WDR70: variants seen among roughly 807,000 people sequenced by gnomAD.
WDR70 encodes WD repeat domain 70.
Under a neutral mutation model 88.6 loss-of-function variants are expected in WDR70, and 53 were observed. The observed-to-expected ratio is 0.60, with a 90% CI of 0.48 to 0.75. The LOEUF (loss-of-function observed/expected upper bound fraction) is 0.75, where lower values mean the gene tolerates loss of function less well. Ranked by LOEUF, WDR70 falls within the 30% of genes least tolerant of loss-of-function variation. The pLI, the probability that WDR70 is intolerant of heterozygous loss-of-function variation, is 0.00. For synonymous variants in WDR70, 280 were observed against 270.0 expected (o/e 1.04, Z -0.36); for missense variants, 610 against 823.2 (o/e 0.74, Z 3.17).
At chr5:37,455,114 A>G (rs1345037386) in intron 7 of WDR70, among the ~76,000 whole-genome samples, 5 of 152,224 alleles carry the variant, frequency 3.3e-5, no homozygotes, top group African/African-American at 1.2e-4. Flanking sequence ...CAGATTCTTA[A>G]GTTGATATCT....
Position 37,479,785 on chromosome 5 carries a change from T to C in WDR70, c.687-49T>C, listed in dbSNP as rs138976260. The C allele has an allele frequency of 8.3e-5, 128 of 1,545,712 alleles. 2 individuals are homozygous for C. In the African/African-American group the frequency reaches 1.5e-3, roughly 18 times the overall value. Reference sequence around the variant, plus strand: ...GGCAATACTTAATGTAGTAAAATTATAAACATTGTGCTTAGTATCTTACCA... The same window carrying C: ...GGCAATACTTAATGTAGTAAAATTACAAACATTGTGCTTAGTATCTTACCA... On this transcript the variant is annotated intron_variant, in intron 7 of 17. Coordinates refer to ENST00000265107, the MANE Select transcript of WDR70 (RefSeq NM_018034.4).
At chr5:37,706,080 T>C (rs758714175) in intron 13 of WDR70, among the ~76,000 whole-genome samples, 2 of 152,202 alleles carry the variant, frequency 1.3e-5, no homozygotes, top group Non-Finnish European at 2.9e-5. Context: ...CACAAAAACA[T>C]AGCTTCTTAA....
chr5:37,405,890 T>C (rs1749338120), intron 5 of WDR70, among the ~76,000 whole-genome samples: 1 of 151,564 alleles, frequency 6.6e-6, no homozygotes, highest in South Asian at 2.1e-4. Context: ...CCACAAAAAA[T>C]AAAAAAGCCA....
intron 8 of WDR70, among the ~76,000 whole-genome samples, chr5:37,483,082 A>AC (rs1234504193): frequency 1.3e-5 from 2 of 150,024 alleles, no homozygotes; most frequent in African/African-American, 4.9e-5. Context: ...AAAAAAAAAA[A>AC]GGAAAGAAAG....
intron 17 of WDR70, among the ~76,000 whole-genome samples, chr5:37,737,530 C>A (rs1018272367): frequency 2.6e-5 from 4 of 152,180 alleles, no homozygotes; most frequent in African/African-American, 9.7e-5. Flanking sequence ...GCTCCGCCAC[C>A]CCCTGGCGAG....
At chr5:37,562,635 G>T (rs1742548738) in intron 9 of WDR70, among the ~76,000 whole-genome samples, 1 of 152,106 alleles carries the variant, frequency 6.6e-6, no homozygotes, top group Non-Finnish European at 1.5e-5. Flanking sequence ...TGAGATTAGG[G>T]AGTGGTGATG....
chr5:37,744,219 TAAC>T (rs1407495001), intron 17 of WDR70, among the ~76,000 whole-genome samples: 1 of 151,650 alleles, frequency 6.6e-6, no homozygotes, highest in African/African-American at 2.4e-5. Context: ...AAGCAGAAAG[TAAC>T]AACAACAGCA....
chr5:37,736,958 A>G (rs1042154555), intron 17 of WDR70, among the ~76,000 whole-genome samples: 6 of 152,148 alleles, frequency 3.9e-5, no homozygotes, highest in African/African-American at 1.4e-4. Flanking sequence ...ATAGAAATTC[A>G]TAGTGAAGAA....
At chr5:37,421,574 T>G (rs920314720) in intron 5 of WDR70, among the ~76,000 whole-genome samples, 1 of 152,248 alleles carries the variant, frequency 6.6e-6, no homozygotes, top group Non-Finnish European at 1.5e-5. Flanking sequence ...TTCTCTTTTG[T>G]GCTACCTCTG....
At chr5:37,473,895 C>T (rs894270610) in intron 7 of WDR70, among the ~76,000 whole-genome samples, 5 of 151,920 alleles carry the variant, frequency 3.3e-5, no homozygotes, top group Admixed American at 1.3e-4. Context: ...TTGCTGTTTC[C>T]AGCTTTTGGA....
intron 3 of WDR70, among the ~76,000 whole-genome samples, chr5:37,391,318 A>C (rs1748812425): frequency 6.6e-6 from 1 of 152,178 alleles, no homozygotes; most frequent in African/African-American, 2.4e-5. Flanking sequence ...CTTAATATTT[A>C]AGTGCATAGT....
chr5:37,381,186 A>C (rs998907355), intron 2 of WDR70, among the ~76,000 whole-genome samples: 3 of 152,194 alleles, frequency 2.0e-5, no homozygotes, highest in Non-Finnish European at 4.4e-5. Flanking sequence ...ATAATGCCTC[A>C]AATTCTTCTC....
intron 5 of WDR70, among the ~76,000 whole-genome samples, chr5:37,419,396 G>T (rs1421017779): frequency 6.6e-6 from 1 of 151,036 alleles, no homozygotes; most frequent in Non-Finnish European, 1.5e-5. Context: ...AGTAGAGACG[G>T]GGTTTCACCA....
intron 13 of WDR70, among the ~76,000 whole-genome samples, chr5:37,704,082 C>T (rs1747248584): frequency 6.6e-6 from 1 of 152,050 alleles, no homozygotes; most frequent in South Asian, 2.1e-4. Flanking sequence ...TGTAAAACCA[C>T]GGTATAGAGT....
intron 5 of WDR70, among the ~76,000 whole-genome samples, chr5:37,407,420 A>G (rs1283342824): frequency 6.6e-6 from 1 of 152,042 alleles, no homozygotes; most frequent in Non-Finnish European, 1.5e-5. Context: ...GTTACTCAGG[A>G]GGCTAAGGCA....
rs78537794 is a variant in WDR70 at position 37,670,490 on chromosome 5, A to G, written c.1093-27165A>G. ...CCACATCTTGATAAAAAGAACAGCA[A>G]AATTATATTGTAAAGGGGTGTGCCA... On this transcript the variant is annotated intron_variant, in intron 10 of 17. Transcript: ENST00000265107. 4.0e-3 allele frequency among the ~76,000 whole-genome samples: 605 copies of G among 152,328 alleles called. 3 individuals are homozygous for G. Among genetic ancestry groups the G allele is most frequent in the Non-Finnish European group, 6.4e-3 (435 of 68,032 alleles).
At chr5:37,481,053 T>G (rs2112159863) in intron 8 of WDR70, among the ~76,000 whole-genome samples, 1 of 152,326 alleles carries the variant, frequency 6.6e-6, no homozygotes, top group Middle Eastern at 3.4e-3. Flanking sequence ...ACTCCATGTG[T>G]CACATCCAGG....
intron 13 of WDR70, among the ~76,000 whole-genome samples, chr5:37,716,982 A>G (rs942546260): frequency 5.3e-5 from 8 of 152,138 alleles, no homozygotes; most frequent in African/African-American, 1.9e-4. Flanking sequence ...GCAGAGAAGA[A>G]AAAAATCTCT....
intron 9 of WDR70, among the ~76,000 whole-genome samples, chr5:37,537,870 C>T (rs1741709789): frequency 6.6e-6 from 1 of 152,160 alleles, no homozygotes; most frequent in South Asian, 2.1e-4. Context: ...GAACAACTAG[C>T]ATCTGATCAG....
Sources: gnomAD v4.1 joint callset for allele counts (sites outside exome capture counted in the v4.1 genomes callset) on GRCh38, gnomAD v4.1.1 for gene constraint, MANE v1.5 for transcripts, NCBI Gene and HGNC (gene_info 2026-07-23, HGNC 2026-07-21) for gene names.